The following TMEM114 variants were observed in gnomAD, a reference collection of about 807,000 sequenced individuals.
TMEM114 encodes transmembrane protein 114.
A neutral mutation model predicts 6.2 loss-of-function variants in TMEM114; 6 were observed. That is an observed-to-expected ratio of 0.97 (90% CI 0.53 to 1.91). The LOEUF (loss-of-function observed/expected upper bound fraction) is 1.91, where lower values mean the gene tolerates loss of function less well. TMEM114 is among the 40% of genes most tolerant of loss of function. The pLI, the probability that TMEM114 is intolerant of heterozygous loss-of-function variation, is 0.01. For missense variants in TMEM114, 218 were observed against 158.3 expected (o/e 1.38, Z -2.02); for synonymous variants, 104 against 73.0 (o/e 1.42, Z -2.16).
chr16:8,569,870 C>T lies in TMEM114; in HGVS notation c.575G>A (p.Gly192Asp), dbSNP rs1901669330. The T allele has an allele frequency of 6.4e-7, 1 of 1,551,156 alleles. No homozygotes were observed. Among genetic ancestry groups the T allele is most frequent in the East Asian group, 2.4e-5 (1 of 40,902 alleles). Residue 192 changes from glycine to aspartate, a missense_variant, in exon 4 of 4, where the codon GGC (glycine) becomes GAC (aspartate). Gly to Asp is a moderately conservative substitution (Grantham distance 94). Transcript: ENST00000620492. ...DISFGWSLAL[G>D]WISFIAELLT... Reference sequence around the variant, plus strand: ...CAGCTCGGCGATGAAGCTGATCCAGCCCAGGGCCAGGGACCAGCCGAAGCT... The same window carrying T: ...CAGCTCGGCGATGAAGCTGATCCAGTCCAGGGCCAGGGACCAGCCGAAGCT...
At chr16:8,588,632 C>A (rs1902388335) in intron 2 of TMEM114, among the ~76,000 whole-genome samples, 1 of 152,176 alleles carries the variant, frequency 6.6e-6, no homozygotes, top group African/African-American at 2.4e-5. Context: ...AAGAACCAAC[C>A]AGGAATAAGA....
intron 2 of TMEM114, among the ~76,000 whole-genome samples, chr16:8,543,701 C>T (rs906016984): frequency 1.3e-5 from 2 of 152,178 alleles, no homozygotes; most frequent in African/African-American, 4.8e-5. Flanking sequence ...TGGACTGTAT[C>T]ACCCTATATT....
intron 2 of TMEM114, among the ~76,000 whole-genome samples, chr16:8,541,281 C>T (rs1273699061): frequency 6.6e-6 from 1 of 152,118 alleles, no homozygotes; most frequent in Non-Finnish European, 1.5e-5. Flanking sequence ...TACTCAAGAG[C>T]CCTCACAGTC....
chr16:8,549,993 T>G (rs1199146970), intron 2 of TMEM114, among the ~76,000 whole-genome samples: 2 of 152,152 alleles, frequency 1.3e-5, no homozygotes, highest in Non-Finnish European at 2.9e-5. Flanking sequence ...CTTCAGTCTG[T>G]AGCCAAAGGC....
chr16:8,563,202 T>G (rs1180528089), intron 2 of TMEM114, among the ~76,000 whole-genome samples: 3 of 150,746 alleles, frequency 2.0e-5, no homozygotes, highest in African/African-American at 7.4e-5. Flanking sequence ...AATGAATGAG[T>G]GAATGAGTGA....
the TMEM114 span, among the ~76,000 whole-genome samples, chr16:8,531,702 C>A: frequency 3.9e-5 from 6 of 152,292 alleles, no homozygotes; most frequent in African/African-American, 1.4e-4. Context: ...TTCAAAGTAA[C>A]AATTGAATAA....
At chr16:8,548,614 A>G (rs1900745895) in intron 2 of TMEM114, among the ~76,000 whole-genome samples, 1 of 151,082 alleles carries the variant, frequency 6.6e-6, no homozygotes, top group Non-Finnish European at 1.5e-5. Context: ...CTAAGAGCAA[A>G]TTATCTGAGC....
chr16:8,527,667 G>A, the TMEM114 span, among the ~76,000 whole-genome samples: 1 of 152,082 alleles, frequency 6.6e-6, no homozygotes, highest in South Asian at 2.1e-4. Context: ...CATTGAGGGT[G>A]GTAGTTTTGG....
At chr16:8,584,952 G>GAA (rs1311590214) in intron 2 of TMEM114, among the ~76,000 whole-genome samples, 1 of 147,666 alleles carries the variant, frequency 6.8e-6, no homozygotes, top group African/African-American at 2.5e-5. Context: ...AGAAGAAGAA[G>GAA]AAGAAAAGAA....
intron 3 of TMEM114, 150 bp from the exon 4 acceptor site, chr16:8,570,155 C>T: frequency 9.2e-7 from 1 of 1,082,958 alleles, no homozygotes; most frequent in Non-Finnish European, 1.3e-6. Context: ...AGTCTCCCCG[C>T]TGGGTGCATT....
At chr16:8,541,106 G>T (rs1461623908) in intron 2 of TMEM114, among the ~76,000 whole-genome samples, 1 of 152,136 alleles carries the variant, frequency 6.6e-6, no homozygotes, top group East Asian at 1.9e-4. Context: ...AAATAGAGTG[G>T]CAGCAATCAT....
At chr16:8,558,772 A>T (rs1901100407) in intron 2 of TMEM114, among the ~76,000 whole-genome samples, 1 of 148,430 alleles carries the variant, frequency 6.7e-6, no homozygotes, top group African/African-American at 2.5e-5. Context: ...CATGGAGTTT[A>T]CTCTGTCACC....
rs144395196 is a variant in TMEM114 at position 8,540,323 on chromosome 16, G to A, written n.213-2497C>T. Among the ~76,000 whole-genome samples the A allele has an allele frequency of 6.2e-3, 945 of 152,252 alleles. 4 individuals are homozygous for A. Among genetic ancestry groups the A allele is most frequent in the Non-Finnish European group, 8.0e-3 (546 of 68,028 alleles). ...ATAGAGGTAGGAGCTCTGGAGTCCA[G>A]CCACCTGAGCAGGAATCCCAGCTGA... On this transcript the variant is annotated intron_variant and non_coding_transcript_variant, in intron 2 of 2. Transcript: ENST00000623677.
downstream of TMEM114, among the ~76,000 whole-genome samples, chr16:8,564,734 G>A (rs563552484): frequency 1.7e-4 from 20 of 121,072 alleles, 1 homozygote; most frequent in South Asian, 4.4e-3. Context: ...AGTGAGTGAG[G>A]GAGGGAGGGA....
intron 2 of TMEM114, among the ~76,000 whole-genome samples, chr16:8,539,328 A>T (rs1305269972): frequency 6.6e-6 from 1 of 152,096 alleles, no homozygotes; most frequent in African/African-American, 2.4e-5. Flanking sequence ...GAGGGGTGGG[A>T]GGTAGAGAAG....
chr16:8,565,035 G>C (rs1403874050), downstream of TMEM114, among the ~76,000 whole-genome samples: 3 of 149,060 alleles, frequency 2.0e-5, no homozygotes, highest in Non-Finnish European at 3.0e-5. Context: ...GTGAGTGAAT[G>C]AGTGAGTGAA....
chr16:8,550,687 AAAAAAAAAAAACC>A lies in TMEM114; in HGVS notation n.213-12874_213-12862del, dbSNP rs113779600. On this transcript the variant is annotated intron_variant and non_coding_transcript_variant, in intron 2 of 2. Transcript: ENST00000623677. ...GAGCAAAACTTCGTCAAAAAAAACA[AAAAAAAAAAAACC>A]AAAAAAAAAAAGCAAGCAAACAAAC... 4.0e-3 allele frequency among the ~76,000 whole-genome samples: 261 copies of A among 65,714 alleles called. 1 individual carries two copies. The highest frequency in any genetic ancestry group is 0.02 in the African/African-American group (238 of 11,632). 43.1% of individuals were successfully genotyped at this position (65,714 alleles called of 152,430 possible).
rs142300281 is a variant in TMEM114, at chr16:8,538,837, T to G, written n.213-1011A>C. 8.4e-3 allele frequency among the ~76,000 whole-genome samples: 1,279 copies of G among 152,312 alleles called. 25 individuals carry two copies. Among genetic ancestry groups the G allele is most frequent in the African/African-American group, 0.029 (1,210 of 41,568 alleles). On this transcript the variant is annotated intron_variant and non_coding_transcript_variant, in intron 2 of 2. Transcript: ENST00000623677. Reference sequence around the variant, plus strand: ...GCTGTGTTTTTATGTTGTATATACTTCATTGCATATGTGTGTGGATGTATG... The same window carrying G: ...GCTGTGTTTTTATGTTGTATATACTGCATTGCATATGTGTGTGGATGTATG...
At chr16:8,538,390 C>G (rs1168201621) in intron 2 of TMEM114, among the ~76,000 whole-genome samples, 1 of 152,030 alleles carries the variant, frequency 6.6e-6, no homozygotes. Flanking sequence ...CAGATAGAGA[C>G]CTGAGGCAGG....
Sources: gnomAD v4.1 joint callset for allele counts (sites outside exome capture counted in the v4.1 genomes callset) on GRCh38, gnomAD v4.1.1 for gene constraint, MANE v1.5 for transcripts, NCBI Gene and HGNC (gene_info 2026-07-23, HGNC 2026-07-21) for gene names.